Variants in FHIT observed in about 807,000 individuals in gnomAD.
FHIT encodes the protein fragile histidine triad diadenosine triphosphatase.
FHIT carries 19 observed loss-of-function variants against 17.9 expected under a neutral mutation model. The ratio of observed to expected loss-of-function variants is 1.06; its 90% CI spans 0.74 to 1.56. The LOEUF is 1.56. FHIT is among the 40% of genes most tolerant of loss of function. The pLI is 0.00. For synonymous variants in FHIT, 81 were observed against 69.7 expected (o/e 1.16, Z -0.81); for missense variants, 248 against 189.2 (o/e 1.31, Z -1.82).
intron 5 of FHIT, among the ~76,000 whole-genome samples, chr3:60,481,341 C>T (rs1411269757): frequency 1.3e-5 from 2 of 152,058 alleles, no homozygotes; most frequent in Non-Finnish European, 2.9e-5. Flanking sequence ...TAAGATACTC[C>T]AGAAGAAGAG....
chr3:60,372,472 T>C (rs982359080), intron 5 of FHIT, among the ~76,000 whole-genome samples: 6 of 152,186 alleles, frequency 3.9e-5, no homozygotes, highest in Admixed American at 1.3e-4. Context: ...CTCTATCTCA[T>C]TGTATTTTCC....
chr3:60,737,794 G>C (rs1287179273), intron 4 of FHIT, among the ~76,000 whole-genome samples: 1 of 152,132 alleles, frequency 6.6e-6, no homozygotes, highest in African/African-American at 2.4e-5. Context: ...GGTGGGAGCA[G>C]GGTTACATCA....
At chr3:60,986,827 T>C (rs936144475) in intron 3 of FHIT, among the ~76,000 whole-genome samples, 1 of 152,214 alleles carries the variant, frequency 6.6e-6, no homozygotes, top group African/African-American at 2.4e-5. Flanking sequence ...CTGAGTTCTC[T>C]GTGGGCACTT....
intron 5 of FHIT, among the ~76,000 whole-genome samples, chr3:60,386,473 G>C (rs1701016605): frequency 6.6e-6 from 1 of 152,122 alleles, no homozygotes; most frequent in African/African-American, 2.4e-5. Context: ...CCATCCACTT[G>C]TTCCTCTTCC....
chr3:60,142,682 CTTTT>C (rs1299728953), intron 5 of FHIT, among the ~76,000 whole-genome samples: 1 of 138,958 alleles, frequency 7.2e-6, no homozygotes, highest in African/African-American at 2.7e-5. Context: ...TTTTGCGTTT[CTTTT>C]TTTTTTTCTT....
At chr3:60,547,663 C>T (rs912356879) in intron 4 of FHIT, among the ~76,000 whole-genome samples, 1 of 152,194 alleles carries the variant, frequency 6.6e-6, no homozygotes, top group Non-Finnish European at 1.5e-5. Context: ...ACCTTTACAT[C>T]TGCATCTCCT....
chr3:60,321,785 G>C (rs975708735), intron 5 of FHIT, among the ~76,000 whole-genome samples: 1 of 152,184 alleles, frequency 6.6e-6, no homozygotes, highest in East Asian at 1.9e-4. Context: ...GGTGCTGGCA[G>C]CTTCAGAGCC....
Position 59,749,597 on chromosome 3 carries a change from CA to C in FHIT, c.*6-19del, listed in dbSNP as rs1364968827. On this transcript the variant is annotated intron_variant, in intron 9 of 9. Transcript: ENST00000492590. Reference sequence around the variant, plus strand: ...AAAAACATCTTAAGCCATTTTTAAACAAACAAAGGCCTTATGATTCTAACAT... The same window carrying C: ...AAAAACATCTTAAGCCATTTTTAAACAACAAAGGCCTTATGATTCTAACAT... 4.3e-6 allele frequency: 1 copy of C among 230,794 alleles called. No individual in the cohort carries two copies. The highest frequency in any genetic ancestry group is 8.6e-6 in the Non-Finnish European group (1 of 116,640). 14.3% of individuals were successfully genotyped at this position (230,794 alleles called of 1,614,324 possible).
In FHIT at chr3:60,534,612, T is replaced by C. The variant is rs796993578; in HGVS notation, c.103+2248A>G. ...ATACTGCAGCTGTTAATTAGACTTATAGAGTATAATGATTTTAAAAAAGCT... is the reference window on the plus strand; with the variant it reads ...ATACTGCAGCTGTTAATTAGACTTACAGAGTATAATGATTTTAAAAAAGCT... On this transcript the variant is annotated intron_variant, in intron 5 of 9. Transcript: ENST00000492590. Among the ~76,000 whole-genome samples the C allele has an allele frequency of 3.9e-5, 6 of 152,280 alleles. 1 individual carries two copies. The highest frequency in any genetic ancestry group is 2.1e-4 in the South Asian group (1 of 4,824).
chr3:60,957,784 T>G (rs546511532), intron 3 of FHIT, among the ~76,000 whole-genome samples: 1 of 152,292 alleles, frequency 6.6e-6, no homozygotes, highest in South Asian at 2.1e-4. Flanking sequence ...CTGTTTCCCT[T>G]GCTGTGGTGC....
intron 5 of FHIT, among the ~76,000 whole-genome samples, chr3:60,170,432 T>C (rs1230319850): frequency 6.6e-6 from 1 of 152,190 alleles, no homozygotes; most frequent in Non-Finnish European, 1.5e-5. Context: ...CATGCATTCT[T>C]ATCACTTGCA....
chr3:60,016,424 T>C (rs1031720164), intron 5 of FHIT, among the ~76,000 whole-genome samples: 1 of 152,154 alleles, frequency 6.6e-6, no homozygotes, highest in African/African-American at 2.4e-5. Flanking sequence ...AACTGGACTT[T>C]AAAAATTGGG....
chr3:60,117,820 C>T (rs556601467), intron 5 of FHIT, among the ~76,000 whole-genome samples: 6 of 152,196 alleles, frequency 3.9e-5, no homozygotes, highest in African/African-American at 1.4e-4. Flanking sequence ...AAATCCCCTG[C>T]TTCCTCTGTA....
At chr3:60,025,440 G>T (rs902087274) in intron 5 of FHIT, among the ~76,000 whole-genome samples, 10 of 152,116 alleles carry the variant, frequency 6.6e-5, no homozygotes, top group African/African-American at 2.4e-4. Flanking sequence ...TCAGACTTTT[G>T]CTCACTTTGG....
chr3:59,807,363 C>G (rs1406305455), intron 8 of FHIT, among the ~76,000 whole-genome samples: 1 of 152,110 alleles, frequency 6.6e-6, no homozygotes, highest in Non-Finnish European at 1.5e-5. Flanking sequence ...AGTAGCATAG[C>G]AGGGATGCCA....
chr3:59,779,973 C>T (rs1041001566), intron 8 of FHIT, among the ~76,000 whole-genome samples: 2 of 152,206 alleles, frequency 1.3e-5, no homozygotes, highest in Non-Finnish European at 2.9e-5. Flanking sequence ...CCTGAAACAA[C>T]TGCTAGGCAG....
At chr3:60,394,542 G>A (rs1053720534) in intron 5 of FHIT, among the ~76,000 whole-genome samples, 4 of 152,124 alleles carry the variant, frequency 2.6e-5, no homozygotes, top group African/African-American at 9.7e-5. Flanking sequence ...GGAGAGCCAT[G>A]GTTAAGGACA....
At chr3:60,947,040 G>A (rs75131470) in intron 3 of FHIT, among the ~76,000 whole-genome samples, 1 of 152,206 alleles carries the variant, frequency 6.6e-6, no homozygotes, top group Non-Finnish European at 1.5e-5. Context: ...ACAGTAAAAG[G>A]TGAAGGAAGC....
chr3:61,150,610 AT>A (rs373797079), intron 2 of FHIT, among the ~76,000 whole-genome samples: 13 of 152,352 alleles, frequency 8.5e-5, no homozygotes, highest in East Asian at 3.9e-4. Context: ...AAGAAAAAAA[AT>A]ATTATTGTCT....
Sources: gnomAD v4.1 joint callset for allele counts (sites outside exome capture counted in the v4.1 genomes callset) on GRCh38, gnomAD v4.1.1 for gene constraint, MANE v1.5 for transcripts, NCBI Gene and HGNC (gene_info 2026-07-23, HGNC 2026-07-21) for gene names.